Variants in ADCK2 observed in about 807,000 individuals in gnomAD.
The protein encoded by ADCK2 is uncharacterized aarF domain-containing protein kinase 2.
ADCK2 carries 37 observed loss-of-function variants against 52.3 expected under a neutral mutation model. That is an observed-to-expected ratio of 0.71 (90% CI 0.54 to 0.93). The LOEUF (loss-of-function observed/expected upper bound fraction) is 0.93. Among genes scored for constraint, ADCK2 ranks in the 40% least tolerant of loss-of-function variants. The pLI, the probability that ADCK2 is intolerant of heterozygous loss-of-function variation, is 0.00. For synonymous variants in ADCK2, 321 were observed against 349.2 expected (o/e 0.92, Z 0.90); for missense variants, 695 against 798.7 (o/e 0.87, Z 1.56).
chr7:140,689,502 C>A lies in ADCK2; in HGVS notation c.1558-95C>A, dbSNP rs966079009. On this transcript the variant is annotated intron_variant, in intron 5 of 7. Coordinates refer to ENST00000072869, the MANE Select transcript of ADCK2 (RefSeq NM_052853.4). ...GCCAAAAGCAAGATGCCAGAAAAGT[C>A]AGGGTGGAGCTGCTGAGATGAGAAA... 6 of 1,431,680 alleles carry A rather than the reference C, an allele frequency of 4.2e-6. No individual in the cohort carries two copies. The South Asian group carries it at 7.0e-5, about 17-fold the overall frequency. 88.7% of individuals were successfully genotyped at this position (1,431,680 alleles called of 1,614,324 possible).
At chr7:140,681,858 C>A (rs965002976) in intron 4 of ADCK2, among the ~76,000 whole-genome samples, 1 of 151,192 alleles carries the variant, frequency 6.6e-6, no homozygotes. Context: ...TGGGATCAAG[C>A]GATCCTCCCA....
chr7:140,692,220 A>G (rs1182153208), intron 7 of ADCK2, among the ~76,000 whole-genome samples: 21 of 152,160 alleles, frequency 1.4e-4, no homozygotes, highest in Admixed American at 1.4e-3. Context: ...CCTGGGAACC[A>G]CCATGCTGTT....
chr7:140,683,279 G>A (rs1477507005), intron 4 of ADCK2, among the ~76,000 whole-genome samples: 5 of 152,040 alleles, frequency 3.3e-5, no homozygotes, highest in Admixed American at 6.6e-5. Flanking sequence ...GCGAGACTCC[G>A]TCTAAACAAA....
rs574718111 is a variant in ADCK2 at position 140,678,581 on chromosome 7, C to T, written c.1081-574C>T. Among the ~76,000 whole-genome samples, 9 of 152,176 alleles carry T rather than the reference C, an allele frequency of 5.9e-5. No individual in the cohort carries two copies. The highest frequency in any genetic ancestry group is 5.8e-4 in the East Asian group (3 of 5,160). On this transcript the variant is annotated intron_variant, in intron 2 of 7. Transcript: ENST00000072869. This position sits in a 1 kb window ranked among gnomAD's most constrained non-coding sequence, Gnocchi z 4.9. ...TGCCAGGAGAGTGAAGGGCAGGTGC[C>T]GGGGGAAGAGCCATCACGGAGAGAC... is the stretch of plus-strand genomic sequence containing the variant.
chr7:140,684,293 C>T (rs1485506912), intron 4 of ADCK2, among the ~76,000 whole-genome samples: 2 of 152,146 alleles, frequency 1.3e-5, no homozygotes, highest in Non-Finnish European at 2.9e-5. Context: ...GTGCCTTCCT[C>T]ATAGGGTCAC....
Position 140,693,711 on chromosome 7 carries a change from A to AT in ADCK2, c.1741-944dup, listed in dbSNP as rs1450870029. ...AGCAGTCAATTGTGTGTTGTCTCTG[A>AT]TTTTTTTTATTTTTTTGAGATGGAG... is the stretch of plus-strand genomic sequence containing the variant. On this transcript the variant is annotated intron_variant, in intron 7 of 7. Transcript: ENST00000072869. This position sits in a 1 kb window ranked among gnomAD's most constrained non-coding sequence, Gnocchi z 4.0. 2.0e-5 allele frequency among the ~76,000 whole-genome samples: 3 copies of AT among 151,904 alleles called. No homozygotes were observed. Among genetic ancestry groups the AT allele is most frequent in the African/African-American group, 4.8e-5 (2 of 41,356 alleles).
Position 140,689,710 on chromosome 7 carries a change from C to T in ADCK2, c.1671C>T (p.Thr557=). 6.2e-7 allele frequency: 1 copy of T among 1,612,572 alleles called. No individual in the cohort carries two copies. Among genetic ancestry groups the T allele is most frequent in the South Asian group, 1.1e-5 (1 of 90,846 alleles). ...TGGTGACCCAGGCCAGGAAGAACAC[C>T]ATCACCCTGGAGAAGGTGGGCAGGT... ...AMLVTQARKN[T]ITLEKLHVSS... Residue 557 remains threonine (T), a synonymous_variant, in exon 6 of 8, where the codon ACC becomes ACT. Transcript: ENST00000072869.
Position 140,693,713 on chromosome 7 carries a change from T to G in ADCK2, c.1741-950T>G, listed in dbSNP as rs867005195. Among the ~76,000 whole-genome samples, 3 of 152,144 alleles carry G rather than the reference T, an allele frequency of 2.0e-5. No individual in the cohort carries two copies. The highest frequency in any genetic ancestry group is 3.2e-3 in the Middle Eastern group (1 of 316). On this transcript the variant is annotated intron_variant, in intron 7 of 7. Coordinates refer to ENST00000072869, the MANE Select transcript of ADCK2 (RefSeq NM_052853.4). This position sits in a 1 kb window ranked among gnomAD's most constrained non-coding sequence, Gnocchi z 4.0. ...CAGTCAATTGTGTGTTGTCTCTGAT[T>G]TTTTTTATTTTTTTGAGATGGAGTT...
In ADCK2 at chr7:140,693,342, G is replaced by A. The variant is rs897785687; in HGVS notation, c.1741-1321G>A. On this transcript the variant is annotated intron_variant, in intron 7 of 7. Transcript: ENST00000072869. This position sits in a 1 kb window ranked among gnomAD's most constrained non-coding sequence, Gnocchi z 4.0. Reference sequence around the variant, plus strand: ...CTGGAACTCCACAAGCTGCTCCTGGGAGCATGCTGCTGCTTCTGGATCCAC... The same window carrying A: ...CTGGAACTCCACAAGCTGCTCCTGGAAGCATGCTGCTGCTTCTGGATCCAC... 6.6e-5 allele frequency among the ~76,000 whole-genome samples: 10 copies of A among 152,184 alleles called. No individual in the cohort carries two copies. The highest frequency in any genetic ancestry group is 1.3e-4 in the Non-Finnish European group (9 of 68,036).
intron 2 of ADCK2, 47 bp from the exon 3 acceptor site, chr7:140,679,108 G>T (rs2130782380): frequency 1.2e-6 from 2 of 1,605,764 alleles, no homozygotes; most frequent in Non-Finnish European, 1.7e-6. Flanking sequence ...ATGTCACTGT[G>T]CCTGTACCCA....
chr7:140,678,741 C>T lies in ADCK2; in HGVS notation c.1081-414C>T, dbSNP rs1224162468. 2.6e-5 allele frequency among the ~76,000 whole-genome samples: 4 copies of T among 151,886 alleles called. No individual in the cohort carries two copies. Among genetic ancestry groups the T allele is most frequent in the East Asian group, 1.9e-4 (1 of 5,162 alleles). On this transcript the variant is annotated intron_variant, in intron 2 of 7. Coordinates refer to ENST00000072869, the MANE Select transcript of ADCK2 (RefSeq NM_052853.4). The surrounding 1 kb of genome is among the most constrained non-coding windows in gnomAD (Gnocchi z 4.9). ...CGATGCGGTGGGTGGAGAGCTGCCG[C>T]GAGATGAAGGGGTAGCCCTGTGTGG...
At chr7:140,685,106 C>T (rs1794583468) in intron 4 of ADCK2, among the ~76,000 whole-genome samples, 1 of 151,928 alleles carries the variant, frequency 6.6e-6, no homozygotes, top group Non-Finnish European at 1.5e-5. Context: ...TGAATTATAG[C>T]AACATTCAAT....
At chr7:140,688,044 C>T (rs1442839602) in intron 5 of ADCK2, among the ~76,000 whole-genome samples, 1 of 151,004 alleles carries the variant, frequency 6.6e-6, no homozygotes, top group Non-Finnish European at 1.5e-5. Context: ...GCCTCTGTCT[C>T]TGTCTTTTTT....
intron 5 of ADCK2, 74 bp downstream of exon 5, chr7:140,687,315 C>T: frequency 6.8e-7 from 1 of 1,480,884 alleles, no homozygotes; most frequent in Non-Finnish European, 9.0e-7. Flanking sequence ...CATGGTGGCT[C>T]AGACCTGTAA....
In ADCK2 at chr7:140,689,582, C is replaced by G; in HGVS notation, c.1558-15C>G. On this transcript the variant is annotated splice_polypyrimidine_tract_variant and intron_variant, in intron 5 of 7. Transcript: ENST00000072869. ...CTAGCTCCACTCCAAGTCCCTTTTCCGTTGCATTTTCCAGGGCCAGAGAGT... is the reference window on the plus strand; with the variant it reads ...CTAGCTCCACTCCAAGTCCCTTTTCGGTTGCATTTTCCAGGGCCAGAGAGT... The G allele has an allele frequency of 6.3e-7, 1 of 1,583,964 alleles. No individual in the cohort carries two copies. The highest frequency in any genetic ancestry group is 8.6e-7 in the Non-Finnish European group (1 of 1,161,534).
In ADCK2 at chr7:140,689,738, C is replaced by G. The variant is rs759895919; in HGVS notation, c.1686+13C>G. On this transcript the variant is annotated intron_variant, in intron 6 of 7. Transcript: ENST00000072869. Reference sequence around the variant, plus strand: ...CACCCTGGAGAAGGTGGGCAGGTCACTTGCGGAACAGGGGCTGGGGAGTCC... The same window carrying G: ...CACCCTGGAGAAGGTGGGCAGGTCAGTTGCGGAACAGGGGCTGGGGAGTCC... 6.2e-7 allele frequency: 1 copy of G among 1,606,586 alleles called. No individual in the cohort carries two copies. Among genetic ancestry groups the G allele is most frequent in the South Asian group, 1.1e-5 (1 of 89,870 alleles).
chr7:140,688,026 T>C (rs1794636855), intron 5 of ADCK2, among the ~76,000 whole-genome samples: 1 of 151,122 alleles, frequency 6.6e-6, no homozygotes, highest in Non-Finnish European at 1.5e-5. Context: ...TTTTATACTC[T>C]GGGGAATGCC....
At chr7:140,684,808 C>T (rs1337250501) in intron 4 of ADCK2, among the ~76,000 whole-genome samples, 1 of 152,162 alleles carries the variant, frequency 6.6e-6, no homozygotes, top group Non-Finnish European at 1.5e-5. Flanking sequence ...GGGGAGTCAG[C>T]AGCTCCCACC....
At position 140,690,144 on chromosome 7, in the gene ADCK2, G is replaced by A. The variant is rs915674978; in HGVS notation, c.1686+419G>A. Among the ~76,000 whole-genome samples the A allele has an allele frequency of 6.6e-5, 10 of 152,304 alleles. No homozygotes were observed. In the East Asian group the frequency reaches 1.9e-3, roughly 29 times the overall value. On this transcript the variant is annotated intron_variant, in intron 6 of 7. Coordinates refer to ENST00000072869, the MANE Select transcript of ADCK2 (RefSeq NM_052853.4). ...GTTCATGGCCACATTAGCAGGAATGGGTCAGACAAGGAGTGGCCACTGGCA... is the reference window on the plus strand; with the variant it reads ...GTTCATGGCCACATTAGCAGGAATGAGTCAGACAAGGAGTGGCCACTGGCA...
Sources: allele counts gnomAD v4.1 joint callset (sites outside exome capture counted in the v4.1 genomes callset), GRCh38; gene constraint gnomAD v4.1.1; non-coding constraint Gnocchi (gnomAD v3.1); transcripts MANE v1.5; gene names NCBI Gene and HGNC (gene_info 2026-07-23, HGNC 2026-07-21).